TERB1: variants seen among roughly 807,000 people sequenced by gnomAD.
TERB1 encodes the protein telomere repeat binding bouquet formation protein 1, also known as telomere repeats-binding bouquet formation protein 1.
A neutral mutation model predicts 92.3 loss-of-function variants in TERB1; 63 were observed. The observed-to-expected ratio is 0.68, with a 90% CI of 0.56 to 0.84. The LOEUF (loss-of-function observed/expected upper bound fraction) is 0.84, where lower values mean the gene tolerates loss of function less well. Ranked by LOEUF, TERB1 falls within the 40% of genes least tolerant of loss-of-function variation. TERB1 has a pLI of 0.00. For missense variants in TERB1, 709 were observed against 843.7 expected (o/e 0.84, Z 1.98); for synonymous variants, 252 against 283.9 (o/e 0.89, Z 1.13).
At chr16:66,779,538 C>T (rs533747415) in intron 9 of TERB1, among the ~76,000 whole-genome samples, 1 of 152,090 alleles carries the variant, frequency 6.6e-6, no homozygotes, top group South Asian at 2.1e-4. Flanking sequence ...GCAGAGGTTG[C>T]AATGAGCTGA....
In TERB1 at chr16:66,767,396, C is replaced by T. The variant is rs780929899; in HGVS notation, c.1780+19G>A. On this transcript the variant is annotated intron_variant, in intron 16 of 18. Coordinates refer to ENST00000433154, the MANE Select transcript of TERB1 (RefSeq NM_001136505.2). Reference sequence around the variant, plus strand: ...AAAGGCTTTGACTGTGAAACAACTGCAATTAAAAAAATACTTACCTGAGCA... The same window carrying T: ...AAAGGCTTTGACTGTGAAACAACTGTAATTAAAAAAATACTTACCTGAGCA... 86 of 1,395,416 alleles carry T rather than the reference C, an allele frequency of 6.2e-5. 2 individuals are homozygous for T. In the South Asian group the frequency reaches 8.2e-4, roughly 13 times the overall value. The allele number at this position is 1,395,416 out of a possible 1,614,324, so 86.4% of individuals were successfully genotyped here.
In TERB1 at chr16:66,760,689, G is replaced by C. The variant is rs542348724; in HGVS notation, c.1781-1399C>G. On this transcript the variant is annotated intron_variant, in intron 16 of 18. Transcript: ENST00000433154. ...TAGTCCCAGCTACTTGGGAGGCTGAGGCAGGAGAATCGCTTGAACCCGCCA... is the reference window on the plus strand; with the variant it reads ...TAGTCCCAGCTACTTGGGAGGCTGACGCAGGAGAATCGCTTGAACCCGCCA... 4.6e-3 allele frequency among the ~76,000 whole-genome samples: 583 copies of C among 127,996 alleles called. 2 individuals are homozygous for C. The highest frequency in any genetic ancestry group is 0.017 in the African/African-American group (545 of 32,584). The allele number at this position is 127,996 out of a possible 152,430, so 84.0% of individuals were successfully genotyped here. A position where few individuals can be genotyped will look rare whatever the true frequency, so the allele number is the denominator to read the frequency against.
intron 18 of TERB1, among the ~76,000 whole-genome samples, chr16:66,755,644 A>G (rs1249648099): frequency 6.6e-6 from 1 of 152,026 alleles, no homozygotes; most frequent in Non-Finnish European, 1.5e-5. Context: ...GCATGGTGGC[A>G]CGTGACTGTA....
Position 66,779,525 on chromosome 16 carries a change from G to A in TERB1, c.701-510C>T, listed in dbSNP as rs143890320. ...AGGCAGGAGGACCACTTGAACCTGG[G>A]AGGCAGAGGTTGCAATGAGCTGAGC... is the stretch of plus-strand genomic sequence containing the variant. On this transcript the variant is annotated intron_variant, in intron 9 of 18. Coordinates refer to ENST00000433154, the MANE Select transcript of TERB1 (RefSeq NM_001136505.2). Among the ~76,000 whole-genome samples the A allele has an allele frequency of 5.9e-3, 900 of 152,142 alleles. 13 individuals are homozygous for A. Among genetic ancestry groups the A allele is most frequent in the African/African-American group, 0.021 (863 of 41,488 alleles).
At position 66,759,164 on chromosome 16, in the gene TERB1, C is replaced by T; in HGVS notation, c.1907G>A (p.Arg636Lys). 3 of 1,545,674 alleles carry T rather than the reference C, an allele frequency of 1.9e-6. No homozygotes were observed. In the South Asian group the frequency reaches 3.7e-5, roughly 19 times the overall value. Residue 636 changes from arginine to lysine, a missense_variant, in exon 17 of 19, where the codon AGG (arginine) becomes AAG (lysine). Coordinates refer to ENST00000433154, the MANE Select transcript of TERB1 (RefSeq NM_001136505.2). ...ACTTTTGTTACAGATAAGTGATTTC[C>T]TTAGTTCACTTTTATATCTGTCTTC... ...EAEDRYKSEL[R>K]KSLICNKKIL...
intron 16 of TERB1, among the ~76,000 whole-genome samples, chr16:66,760,471 G>T (rs145114201): frequency 2.2e-5 from 1 of 45,002 alleles, no homozygotes; most frequent in African/African-American, 1.3e-4. Context: ...AAAAAAAAAA[G>T]AAAAGAAAAG....
intron 16 of TERB1, among the ~76,000 whole-genome samples, chr16:66,760,319 C>T (rs1197485252): frequency 2.8e-5 from 4 of 141,476 alleles, no homozygotes; most frequent in Non-Finnish European, 4.6e-5. Flanking sequence ...ATTAGCCAGG[C>T]ATGGTGGCGG....
chr16:66,757,674 A>G (rs902418584), intron 18 of TERB1, among the ~76,000 whole-genome samples: 5 of 152,220 alleles, frequency 3.3e-5, no homozygotes, highest in Non-Finnish European at 5.9e-5. Flanking sequence ...CCAAATAAAT[A>G]TATGTGGCAA....
At position 66,763,503 on chromosome 16, in the gene TERB1, C is replaced by T. The variant is rs185684652; in HGVS notation, c.1780+3912G>A. 6.6e-5 allele frequency among the ~76,000 whole-genome samples: 10 copies of T among 152,162 alleles called. No homozygotes were observed. In the East Asian group the frequency reaches 1.7e-3, roughly 26 times the overall value. ...GGTTCAAGTGTTTTTACTAGAATTCCATGAAGGTAGTATTGTATGTTTCTT... is the reference window on the plus strand; with the variant it reads ...GGTTCAAGTGTTTTTACTAGAATTCTATGAAGGTAGTATTGTATGTTTCTT... On this transcript the variant is annotated intron_variant, in intron 16 of 18. Transcript: ENST00000433154.
At chr16:66,793,285 T>A (rs1202100728) in intron 3 of TERB1, among the ~76,000 whole-genome samples, 1 of 142,632 alleles carries the variant, frequency 7.0e-6, no homozygotes, top group African/African-American at 2.6e-5. Context: ...TGGTGCTATC[T>A]CACTCACTGC....
At chr16:66,794,671 G>A (rs2018895811) in intron 3 of TERB1, among the ~76,000 whole-genome samples, 1 of 152,134 alleles carries the variant, frequency 6.6e-6, no homozygotes, top group Non-Finnish European at 1.5e-5. Flanking sequence ...AGCACTTTGG[G>A]AGGCCGAGGT....
At chr16:66,790,832 A>G (rs1403897324) in intron 4 of TERB1, 77 bp downstream of exon 4, 1 of 1,403,116 alleles carries the variant, frequency 7.1e-7, no homozygotes, top group African/African-American at 1.4e-5. Flanking sequence ...AATGGAAGAT[A>G]AAGAACTATG....
At chr16:66,784,497 A>G (rs1313310050) in intron 9 of TERB1, among the ~76,000 whole-genome samples, 1 of 151,648 alleles carries the variant, frequency 6.6e-6, no homozygotes, top group African/African-American at 2.4e-5. Flanking sequence ...ACACCAGGCT[A>G]ATTTTTTTGT....
chr16:66,785,644 T>G, intron 9 of TERB1, 142 bp downstream of exon 9: 1 of 804,302 alleles, frequency 1.2e-6, no homozygotes, highest in Non-Finnish European at 1.8e-6. Flanking sequence ...CTTTTAAGAT[T>G]TTCTTATCTT....
At chr16:66,786,412 T>C (rs2018729803) in intron 6 of TERB1, 127 bp from the exon 7 acceptor site, 9 of 672,080 alleles carry the variant, frequency 1.3e-5, no homozygotes, top group East Asian at 5.5e-5. Flanking sequence ...AAGTATAACA[T>C]AGAATTACGG....
In TERB1 at chr16:66,785,893, A is replaced by G. The variant is rs764642361; in HGVS notation, c.593T>C (p.Phe198Ser). 2 of 1,545,600 alleles carry G rather than the reference A, an allele frequency of 1.3e-6. No individual in the cohort carries two copies. The highest frequency in any genetic ancestry group is 1.7e-6 in the Non-Finnish European group (2 of 1,144,592). Residue 198 changes from phenylalanine (F) to serine (S), a missense_variant, in exon 9 of 19, where the codon TTT becomes TCT. Physicochemically the swap from Phe to Ser is radical, Grantham distance 155 (BLOSUM62 -2). Coordinates refer to ENST00000433154, the MANE Select transcript of TERB1 (RefSeq NM_001136505.2). ...NNPQNDENQM[F>S]CCSLFPHANE... ...AGCATGTGGAAAAAGGGAACAGCAA[A>G]ACATTTGATTCTCATCTGAAAGAAG... is the stretch of plus-strand genomic sequence containing the variant.
At chr16:66,798,930 T>C (rs770333897) in intron 2 of TERB1, among the ~76,000 whole-genome samples, 12 of 152,232 alleles carry the variant, frequency 7.9e-5, no homozygotes, top group Admixed American at 1.3e-4. Flanking sequence ...TTTGACTAAC[T>C]TCAAAGTGCT....
chr16:66,762,384 G>T (rs1347735735), intron 16 of TERB1, among the ~76,000 whole-genome samples: 6 of 151,828 alleles, frequency 4.0e-5, no homozygotes. Flanking sequence ...ATTGTTTTTT[G>T]TTTGTTTGTT....
intron 9 of TERB1, 117 bp downstream of exon 9, chr16:66,785,669 C>T (rs1387985440): frequency 1.9e-6 from 2 of 1,047,616 alleles, no homozygotes; most frequent in East Asian, 2.7e-5. Context: ...AGTCTAAATA[C>T]ATCCAAAATA....
Sources: allele counts gnomAD v4.1 joint callset (sites outside exome capture counted in the v4.1 genomes callset), GRCh38; gene constraint gnomAD v4.1.1; transcripts MANE v1.5; gene names NCBI Gene and HGNC (gene_info 2026-07-23, HGNC 2026-07-21).